The following RPS6KC1 variants were observed in gnomAD, a reference collection of about 807,000 sequenced individuals.
The protein encoded by RPS6KC1 is inactive ribosomal protein S6 kinase delta-1.
In RPS6KC1, 54 loss-of-function variants were observed where a neutral mutation model predicts 103.8. The observed-to-expected ratio is 0.52, with a 90% CI of 0.42 to 0.65. RPS6KC1 has a LOEUF of 0.65. Ranked by LOEUF, RPS6KC1 falls within the 30% of genes least tolerant of loss-of-function variation. The pLI, the probability that RPS6KC1 is intolerant of heterozygous loss-of-function variation, is 0.00. For synonymous variants in RPS6KC1, 439 were observed against 438.7 expected, an observed-to-expected ratio of 1.00 and a Z score of -0.01; for missense variants, 1,151 against 1,253.8, an observed-to-expected ratio of 0.92 and a Z score of 1.24.
chr1:213,630,691 T>C, the RPS6KC1 span, among the ~76,000 whole-genome samples: 1 of 152,346 alleles, frequency 6.6e-6, no homozygotes, highest in African/African-American at 2.4e-5. Context: ...CTCTGTTTTT[T>C]CCCCATCTTT....
chr1:213,722,125 A>G, the RPS6KC1 span, among the ~76,000 whole-genome samples: 1 of 152,108 alleles, frequency 6.6e-6, no homozygotes, highest in Non-Finnish European at 1.5e-5. Flanking sequence ...CCAGGCAGAA[A>G]AAGGCAGCTC....
chr1:213,718,280 T>C, the RPS6KC1 span, among the ~76,000 whole-genome samples: 1 of 152,370 alleles, frequency 6.6e-6, no homozygotes, highest in East Asian at 1.9e-4. Flanking sequence ...CCAGCAGCTG[T>C]GACTGCCCAG....
chr1:213,836,924 G>A, the RPS6KC1 span, among the ~76,000 whole-genome samples: 913 of 152,156 alleles, frequency 6.0e-3, 9 homozygotes, highest in African/African-American at 0.021. Flanking sequence ...ATTTTACCCC[G>A]TTTGCTTTAA....
chr1:213,628,676 T>C, the RPS6KC1 span, among the ~76,000 whole-genome samples: 1 of 152,052 alleles, frequency 6.6e-6, no homozygotes, highest in African/African-American at 2.4e-5. Context: ...TGTGATGTTA[T>C]GGTGTCAGTT....
chr1:213,825,358 C>A, the RPS6KC1 span, among the ~76,000 whole-genome samples: 1 of 152,264 alleles, frequency 6.6e-6, no homozygotes, highest in East Asian at 1.9e-4. Flanking sequence ...TAAAGGCATA[C>A]TTGCAGTGCA....
intron 10 of RPS6KC1, among the ~76,000 whole-genome samples, chr1:213,240,250 A>AT (rs1055794002): frequency 1.3e-5 from 2 of 152,064 alleles, no homozygotes; most frequent in African/African-American, 4.8e-5. Flanking sequence ...AATATTGTTG[A>AT]TTTTTCCCCC....
chr1:213,714,411 T>C, the RPS6KC1 span, among the ~76,000 whole-genome samples: 1 of 152,268 alleles, frequency 6.6e-6, no homozygotes, highest in Non-Finnish European at 1.5e-5. Flanking sequence ...CTTTCCCTTT[T>C]ATGCTGCTTA....
At chr1:213,759,469 A>G in the RPS6KC1 span, among the ~76,000 whole-genome samples, 2 of 152,124 alleles carry the variant, frequency 1.3e-5, no homozygotes, top group African/African-American at 2.4e-5. Context: ...TCATTTACTC[A>G]TTATCTCATT....
At chr1:213,429,354 A>G in the RPS6KC1 span, among the ~76,000 whole-genome samples, 1 of 152,086 alleles carries the variant, frequency 6.6e-6, no homozygotes, top group Non-Finnish European at 1.5e-5. Context: ...GAGTTTTGCC[A>G]TATTTCCCAG....
chr1:213,386,202 G>T, the RPS6KC1 span, among the ~76,000 whole-genome samples: 1 of 152,244 alleles, frequency 6.6e-6, no homozygotes, highest in South Asian at 2.1e-4. Flanking sequence ...GTCGCCATGG[G>T]ATCTCTGCAC....
the RPS6KC1 span, among the ~76,000 whole-genome samples, chr1:213,855,507 C>A: frequency 6.6e-6 from 1 of 152,202 alleles, no homozygotes; most frequent in East Asian, 1.9e-4. Context: ...TCCACTGGAA[C>A]AGCTAAAAAC....
the RPS6KC1 span, among the ~76,000 whole-genome samples, chr1:213,459,970 T>C: frequency 6.6e-6 from 1 of 152,166 alleles, no homozygotes; most frequent in Non-Finnish European, 1.5e-5. Context: ...ATTTTCATAC[T>C]TTTGCATTTG....
the RPS6KC1 span, among the ~76,000 whole-genome samples, chr1:213,642,397 T>G: frequency 6.6e-6 from 1 of 152,314 alleles, no homozygotes; most frequent in South Asian, 2.1e-4. Flanking sequence ...AAGTGATTTC[T>G]GATTACCAGT....
chr1:213,381,977 T>A, the RPS6KC1 span, among the ~76,000 whole-genome samples: 3 of 152,188 alleles, frequency 2.0e-5, no homozygotes, highest in Non-Finnish European at 4.4e-5. Context: ...TCAGCTCGAC[T>A]CCAAGGAACC....
rs531961794 is a variant in RPS6KC1 at position 213,069,012 on chromosome 1, C to A, written c.106-1994C>A. Among the ~76,000 whole-genome samples the A allele has an allele frequency of 9.9e-5, 15 of 151,838 alleles. No individual in the cohort carries two copies. In the South Asian group the frequency reaches 3.1e-3, roughly 32 times the overall value. On this transcript the variant is annotated intron_variant, in intron 1 of 14. Coordinates refer to ENST00000366960, the MANE Select transcript of RPS6KC1 (RefSeq NM_012424.6). ...GTTTGAGGCTGCAGTGAGCTATGAT[C>A]ATGCCATGGCACTCTAGCCTAGGTG... is the stretch of plus-strand genomic sequence containing the variant.
At chr1:213,070,875 T>C in intron 1 of RPS6KC1, 131 bp from the exon 2 acceptor site, 1 of 576,502 alleles carries the variant, frequency 1.7e-6, no homozygotes. Flanking sequence ...GAGTTTTGGA[T>C]AAATGATATA....
At chr1:213,660,029 T>C in the RPS6KC1 span, among the ~76,000 whole-genome samples, 1 of 152,144 alleles carries the variant, frequency 6.6e-6, no homozygotes, top group Non-Finnish European at 1.5e-5. Flanking sequence ...GTGTGTGTCT[T>C]GGCTGAGAGA....
chr1:213,135,641 A>G (rs2149041354), intron 6 of RPS6KC1, among the ~76,000 whole-genome samples: 1 of 152,292 alleles, frequency 6.6e-6, no homozygotes. Flanking sequence ...AGAAGGAAGC[A>G]TTTTAAAACA....
chr1:213,077,050 A>T (rs2079410455), intron 2 of RPS6KC1, among the ~76,000 whole-genome samples: 1 of 152,054 alleles, frequency 6.6e-6, no homozygotes, highest in Non-Finnish European at 1.5e-5. Flanking sequence ...TTATATTTTC[A>T]GTAGAGATGG....
Sources: allele counts gnomAD v4.1 joint callset (sites outside exome capture counted in the v4.1 genomes callset), GRCh38; gene constraint gnomAD v4.1.1; transcripts MANE v1.5; gene names NCBI Gene and HGNC (gene_info 2026-07-23, HGNC 2026-07-21).